The following MEF2A variants were observed in gnomAD, a reference collection of about 807,000 sequenced individuals.
MEF2A encodes myocyte enhancer factor 2A, also known as myocyte-specific enhancer factor 2A.
Under a neutral mutation model 55.8 loss-of-function variants are expected in MEF2A, and 28 were observed. That is an observed-to-expected ratio of 0.50 (90% CI 0.37 to 0.69). The LOEUF (loss-of-function observed/expected upper bound fraction) is 0.69, where lower values mean the gene tolerates loss of function less well. Ranked by LOEUF, MEF2A falls within the 30% of genes least tolerant of loss-of-function variation. The pLI is 0.00. For synonymous variants in MEF2A, 239 were observed against 227.1 expected, an observed-to-expected ratio of 1.05 and a Z score of -0.47; for missense variants, 528 against 626.2, an observed-to-expected ratio of 0.84 and a Z score of 1.67.
chr15:99,662,014 G>T (rs909099716), intron 4 of MEF2A, among the ~76,000 whole-genome samples: 4 of 152,144 alleles, frequency 2.6e-5, no homozygotes, highest in Admixed American at 2.6e-4. Context: ...ATGCTGAATA[G>T]TGTACTGTGT....
At chr15:99,614,992 A>T (rs546009205) in intron 2 of MEF2A, among the ~76,000 whole-genome samples, 66 of 152,330 alleles carry the variant, frequency 4.3e-4, no homozygotes, top group Middle Eastern at 3.4e-3. Flanking sequence ...GTGATAAGTG[A>T]CATGATTATA....
At chr15:99,676,730 G>A (rs930607359) in intron 7 of MEF2A, among the ~76,000 whole-genome samples, 2 of 151,660 alleles carry the variant, frequency 1.3e-5, no homozygotes, top group East Asian at 3.9e-4. Flanking sequence ...CCACCACGCC[G>A]GGCTAATTTT....
At chr15:99,605,153 G>A (rs1054585089) in intron 2 of MEF2A, among the ~76,000 whole-genome samples, 1 of 152,064 alleles carries the variant, frequency 6.6e-6, no homozygotes, top group African/African-American at 2.4e-5. Context: ...TTGCCATGCT[G>A]GCCAGGCTGG....
intron 1 of MEF2A, among the ~76,000 whole-genome samples, chr15:99,576,479 C>A (rs1485022792): frequency 6.6e-6 from 1 of 151,986 alleles, no homozygotes; most frequent in Non-Finnish European, 1.5e-5. Context: ...ATAATAATGA[C>A]CCAACATTAT....
At chr15:99,582,956 G>A (rs1429513128) in intron 1 of MEF2A, among the ~76,000 whole-genome samples, 2 of 152,032 alleles carry the variant, frequency 1.3e-5, no homozygotes, top group African/African-American at 4.8e-5. Flanking sequence ...TCTCTTCCAC[G>A]GAAGAAGGGA....
intron 8 of MEF2A, among the ~76,000 whole-genome samples, chr15:99,697,604 T>TA (rs1419824315): frequency 6.6e-6 from 1 of 152,180 alleles, no homozygotes; most frequent in Non-Finnish European, 1.5e-5. Flanking sequence ...AATAGATAGA[T>TA]ACATCATGTT....
At chr15:99,622,996 G>A (rs942060032) in intron 2 of MEF2A, among the ~76,000 whole-genome samples, 1 of 152,010 alleles carries the variant, frequency 6.6e-6, no homozygotes, top group Non-Finnish European at 1.5e-5. Flanking sequence ...CACCACGCCC[G>A]GCCCGGATGT....
chr15:99,638,457 T>A (rs1242733456), intron 3 of MEF2A, among the ~76,000 whole-genome samples: 2 of 152,144 alleles, frequency 1.3e-5, no homozygotes, highest in South Asian at 2.1e-4. Context: ...ACATTTCTTA[T>A]GTATTTTGTC....
rs865958730 is a variant in MEF2A at position 99,706,558 on chromosome 15, A to G, written c.883-171A>G. ...AATTAATGTAAAAATAGGACCCTTC[A>G]AATTAAATATTTAGTTATTCTCACT... is the stretch of plus-strand genomic sequence containing the variant. On this transcript the variant is annotated intron_variant, in intron 9 of 11. Coordinates refer to ENST00000557942, the MANE Select transcript of MEF2A (RefSeq NM_001319206.4). The G allele has an allele frequency of 7.6e-5, 50 of 661,436 alleles. No individual in the cohort carries two copies. The Middle Eastern group carries it at 1.3e-3, about 17-fold the overall frequency. The allele number at this position is 661,436 out of a possible 1,614,324, so 41.0% of individuals were successfully genotyped here.
intron 4 of MEF2A, among the ~76,000 whole-genome samples, chr15:99,650,109 G>C (rs145212474): frequency 1.8e-4 from 28 of 151,868 alleles, no homozygotes; most frequent in African/African-American, 6.0e-4. Context: ...GGCATACTAC[G>C]GTACTTAAAA....
chr15:99,595,779 C>T (rs756518144), intron 1 of MEF2A, among the ~76,000 whole-genome samples: 17 of 152,096 alleles, frequency 1.1e-4, no homozygotes, highest in Non-Finnish European at 2.1e-4. Flanking sequence ...TACGTTTGAT[C>T]TATATAAGAG....
At chr15:99,694,781 A>G (rs993279300) in intron 8 of MEF2A, among the ~76,000 whole-genome samples, 1 of 152,212 alleles carries the variant, frequency 6.6e-6, no homozygotes. Context: ...ATTATTTGGA[A>G]TTCTTCTGCA....
chr15:99,568,659 G>C (rs75723391), intron 1 of MEF2A, among the ~76,000 whole-genome samples: 5 of 152,266 alleles, frequency 3.3e-5, no homozygotes, highest in East Asian at 1.9e-4. Flanking sequence ...GAACAAATTT[G>C]TTACTGAAAA....
Position 99,712,675 on chromosome 15 carries a change from C to G in MEF2A, c.1422C>G (p.Asp474Glu). Reference sequence around the variant, plus strand: ...GTGATCGGGAGGATCCACGGGGCGACTTCCATTCTCCAATTGTGCTTGGCC... The same window carrying G: ...GTGATCGGGAGGATCCACGGGGCGAGTTCCATTCTCCAATTGTGCTTGGCC... ...DGSDREDPRG[D>E]FHSPIVLGRP... The change falls in exon 12 of 12, where the codon GAC becomes GAG. Residue 474 changes from aspartate to glutamate, a missense_variant. Transcript: ENST00000557942. The surrounding 1 kb of genome is among the most constrained non-coding windows in gnomAD (Gnocchi z 4.1). 4 of 1,559,128 alleles carry G rather than the reference C, an allele frequency of 2.6e-6. No homozygotes were observed. Among genetic ancestry groups the G allele is most frequent in the Non-Finnish European group, 1.7e-6 (2 of 1,151,328 alleles).
At chr15:99,611,872 A>C (rs889601704) in intron 2 of MEF2A, among the ~76,000 whole-genome samples, 1 of 152,216 alleles carries the variant, frequency 6.6e-6, no homozygotes, top group Non-Finnish European at 1.5e-5. Flanking sequence ...GTTATAACCC[A>C]GATGAACCTT....
At chr15:99,654,120 T>A (rs1462965551) in intron 4 of MEF2A, among the ~76,000 whole-genome samples, 1 of 152,130 alleles carries the variant, frequency 6.6e-6, no homozygotes, top group African/African-American at 2.4e-5. Flanking sequence ...TTTTTAAAAA[T>A]GGTTTCGTTA....
At chr15:99,694,371 A>C (rs2056072642) in intron 8 of MEF2A, among the ~76,000 whole-genome samples, 1 of 152,240 alleles carries the variant, frequency 6.6e-6, no homozygotes, top group African/African-American at 2.4e-5. Flanking sequence ...CAGGACCAGA[A>C]GTATTCCAGA....
chr15:99,623,020 A>T (rs1326520882), intron 2 of MEF2A, among the ~76,000 whole-genome samples: 2 of 151,916 alleles, frequency 1.3e-5, no homozygotes, highest in African/African-American at 2.4e-5. Context: ...CATCTTCTCA[A>T]ACTGAAACTC....
rs2057330921 is a variant in MEF2A at position 99,700,985 on chromosome 15, TA to T, written c.859-2374del. ...TAAATGTAGAAAGAATGAGAGAGAG[TA>T]AATCAGCATTAGAACACCACAGTAC... On this transcript the variant is annotated intron_variant, in intron 8 of 11. Coordinates refer to ENST00000557942, the MANE Select transcript of MEF2A (RefSeq NM_001319206.4). Among the ~76,000 whole-genome samples the T allele has an allele frequency of 6.6e-5, 10 of 151,898 alleles. No individual in the cohort carries two copies. The South Asian group carries it at 1.9e-3, about 28-fold the overall frequency.
Sources: allele counts gnomAD v4.1 joint callset (sites outside exome capture counted in the v4.1 genomes callset), GRCh38; gene constraint gnomAD v4.1.1; non-coding constraint Gnocchi (gnomAD v3.1); transcripts MANE v1.5; gene names NCBI Gene and HGNC (gene_info 2026-07-23, HGNC 2026-07-21).